Variants in ADGRV1 observed in about 807,000 individuals in gnomAD.
ADGRV1 encodes G-protein coupled receptor 98.
ADGRV1 carries 359 observed loss-of-function variants against 596.2 expected under a neutral mutation model. The ratio of observed to expected loss-of-function variants is 0.60; its 90% CI spans 0.55 to 0.66. The LOEUF (loss-of-function observed/expected upper bound fraction) is 0.66, where lower values mean the gene tolerates loss of function less well. ADGRV1 is among the 30% of genes least tolerant of loss of function. The probability of loss-of-function intolerance (pLI) is 0.00; values close to 1 mark genes in which losing one functional copy is unlikely to be tolerated. For missense variants in ADGRV1, 7,274 were observed against 7,575.6 expected (o/e 0.96, Z 1.48); for synonymous variants, 2,681 against 2,679.2 (o/e 1.00, Z -0.02).
In ADGRV1 at chr5:90,823,527, G is replaced by C; in HGVS notation, c.16299G>C (p.Val5433=). The change falls in exon 76 of 90, where the codon GTG becomes GTC. Residue 5433 remains valine, a synonymous_variant. Coordinates refer to ENST00000405460, the MANE Select transcript of ADGRV1 (RefSeq NM_032119.4). ...ACCTGGTGGAGGAACTTCAGTCTGT[G>C]TCAGGGACCACAACCTGTACAATGG... is the stretch of plus-strand genomic sequence containing the variant. ...GVNLVEELQS[V]SGTTTCTMGQ... 6.2e-7 allele frequency: 1 copy of C among 1,613,946 alleles called. No individual in the cohort carries two copies. Among genetic ancestry groups the C allele is most frequent in the Non-Finnish European group, 8.5e-7 (1 of 1,179,858 alleles).
chr5:91,011,887 T>A (rs909404237), intron 85 of ADGRV1, among the ~76,000 whole-genome samples: 1 of 151,988 alleles, frequency 6.6e-6, no homozygotes, highest in African/African-American at 2.4e-5. Context: ...CACTTCTCCC[T>A]GGGAAATGAG....
chr5:91,004,990 T>A (rs574644664), intron 85 of ADGRV1, among the ~76,000 whole-genome samples: 2 of 152,336 alleles, frequency 1.3e-5, no homozygotes, highest in African/African-American at 4.8e-5. Context: ...CAATGTTTTA[T>A]AATTTTGTTC....
intron 85 of ADGRV1, among the ~76,000 whole-genome samples, chr5:90,996,034 A>G (rs565803565): frequency 6.6e-6 from 1 of 152,380 alleles, no homozygotes; most frequent in South Asian, 2.1e-4. Context: ...GAAGCAAAGC[A>G]TAAAAGTTTG....
intron 11 of ADGRV1, among the ~76,000 whole-genome samples, chr5:90,642,390 GTT>G (rs1304743610): frequency 2.0e-5 from 3 of 152,070 alleles, no homozygotes; most frequent in African/African-American, 7.2e-5. Context: ...CATATGTAGT[GTT>G]TGGTTTTTGT....
intron 87 of ADGRV1, among the ~76,000 whole-genome samples, chr5:91,113,286 C>A (rs1048358664): frequency 6.6e-6 from 1 of 152,162 alleles, no homozygotes; most frequent in Non-Finnish European, 1.5e-5. Context: ...AGAACTCACA[C>A]TCCTCCTAAA....
intron 45 of ADGRV1, among the ~76,000 whole-genome samples, chr5:90,721,368 G>C (rs1221973759): frequency 6.6e-6 from 1 of 151,680 alleles, no homozygotes; most frequent in Non-Finnish European, 1.5e-5. Flanking sequence ...GCCGGGCGTA[G>C]TGGCAGGCGC....
intron 74 of ADGRV1, 143 bp downstream of exon 74, chr5:90,811,481 G>A: frequency 1.3e-6 from 1 of 755,422 alleles, no homozygotes. Context: ...TTTTTCTGTA[G>A]CATGGACCCA....
intron 86 of ADGRV1, among the ~76,000 whole-genome samples, chr5:91,082,640 G>A (rs1305627897): frequency 6.6e-6 from 1 of 152,140 alleles, no homozygotes; most frequent in Non-Finnish European, 1.5e-5. Context: ...TTCAGAAATA[G>A]TATGTATAAA....
intron 78 of ADGRV1, 134 bp downstream of exon 78, chr5:90,841,119 G>A (rs1428152232): frequency 1.6e-6 from 1 of 616,720 alleles, no homozygotes; most frequent in East Asian, 2.9e-5. Context: ...TCTGAACATA[G>A]GAATAGAATG....
chr5:90,822,921 C>T (rs1763714076), intron 75 of ADGRV1, among the ~76,000 whole-genome samples: 1 of 152,086 alleles, frequency 6.6e-6, no homozygotes, highest in African/African-American at 2.4e-5. Flanking sequence ...CATGATTTGG[C>T]TCTCTGTTTG....
At chr5:91,145,658 AC>A (rs1215958933) in intron 87 of ADGRV1, among the ~76,000 whole-genome samples, 1 of 152,214 alleles carries the variant, frequency 6.6e-6, no homozygotes, top group East Asian at 1.9e-4. Context: ...AAAAAAAAAA[AC>A]AACTCTAATT....
chr5:90,940,232 A>G (rs12187790), intron 83 of ADGRV1, among the ~76,000 whole-genome samples: 19,021 of 152,228 alleles, frequency 0.12, 1,664 homozygotes, highest in Non-Finnish European at 0.19. Context: ...CTGTCTTGTA[A>G]CCAAAATATG....
At chr5:91,111,381 G>A (rs1405591995) in intron 87 of ADGRV1, among the ~76,000 whole-genome samples, 4 of 152,046 alleles carry the variant, frequency 2.6e-5, no homozygotes, top group Non-Finnish European at 5.9e-5. Context: ...TTGAGGTATC[G>A]TAAGAAATGG....
intron 85 of ADGRV1, among the ~76,000 whole-genome samples, chr5:90,985,877 G>T (rs1450696080): frequency 6.6e-6 from 1 of 151,960 alleles, no homozygotes; most frequent in Non-Finnish European, 1.5e-5. Context: ...TCTCTAAGCA[G>T]TGTGTTTTTG....
intron 50 of ADGRV1, among the ~76,000 whole-genome samples, chr5:90,742,253 C>T (rs982747759): frequency 2.0e-5 from 3 of 152,118 alleles, no homozygotes; most frequent in Non-Finnish European, 4.4e-5. Context: ...TACTTTCATA[C>T]TACAAAATGA....
chr5:91,023,333 A>G (rs1783790756), intron 85 of ADGRV1, among the ~76,000 whole-genome samples: 1 of 152,156 alleles, frequency 6.6e-6, no homozygotes, highest in African/African-American at 2.4e-5. Context: ...GGGGTAAGAT[A>G]CCAGAGCCCA....
At chr5:91,030,470 T>G (rs1434536797) in intron 85 of ADGRV1, among the ~76,000 whole-genome samples, 1 of 152,136 alleles carries the variant, frequency 6.6e-6, no homozygotes, top group Non-Finnish European at 1.5e-5. Flanking sequence ...AAAACTTTAT[T>G]GATTTTAGAG....
In ADGRV1 at chr5:90,725,106, T is replaced by G. The variant is rs16869042; in HGVS notation, c.9927T>G (p.Pro3309=). 517,594 of 1,533,190 alleles carry G rather than the reference T, an allele frequency of 0.34. 90,276 individuals are homozygous for G. Among genetic ancestry groups the G allele is most frequent in the Admixed American group, 0.53 (24,491 of 46,364 alleles). 95.0% of individuals were successfully genotyped at this position (1,533,190 alleles called of 1,614,324 possible). The part of the protein sequence containing the change: ...IPVEDLNIEN[P]KTCEAFNIGF... Reference sequence around the variant, plus strand: ...TCTAGGATTTAAATATAGAAAATCCTAAAACTTGTGAGGCCTTTAATATTG... The same window carrying G: ...TCTAGGATTTAAATATAGAAAATCCGAAAACTTGTGAGGCCTTTAATATTG... The change falls in exon 47 of 90, where the codon CCT becomes CCG. Residue 3309 remains proline (P), a synonymous_variant. Coordinates refer to ENST00000405460, the MANE Select transcript of ADGRV1 (RefSeq NM_032119.4).
intron 87 of ADGRV1, among the ~76,000 whole-genome samples, chr5:91,125,936 G>A (rs767922234): frequency 2.6e-5 from 4 of 152,132 alleles, no homozygotes; most frequent in African/African-American, 4.8e-5. Context: ...CTTTTTAAAT[G>A]TTTCAAACCT....
Sources: gnomAD v4.1 joint callset for allele counts (sites outside exome capture counted in the v4.1 genomes callset) on GRCh38, gnomAD v4.1.1 for gene constraint, MANE v1.5 for transcripts, NCBI Gene and HGNC (gene_info 2026-07-23, HGNC 2026-07-21) for gene names.